The following TMEM116 variants were observed in gnomAD, a reference collection of about 807,000 sequenced individuals.
TMEM116 encodes transmembrane protein 116.
TMEM116 carries 38 observed loss-of-function variants against 44.3 expected under a neutral mutation model. The ratio of observed to expected loss-of-function variants is 0.86; its 90% CI spans 0.66 to 1.12. The LOEUF (loss-of-function observed/expected upper bound fraction) is 1.12, where lower values mean the gene tolerates loss of function less well. Among genes scored for constraint, TMEM116 ranks in the 50% most tolerant of loss-of-function variants. The pLI, the probability that TMEM116 is intolerant of heterozygous loss-of-function variation, is 0.00. For synonymous variants in TMEM116, 132 were observed against 144.8 expected (o/e 0.91, Z 0.64); for missense variants, 354 against 401.7 (o/e 0.88, Z 1.01).
At chr12:111,959,264 G>A (rs921616209) in intron 4 of TMEM116, among the ~76,000 whole-genome samples, 3 of 152,120 alleles carry the variant, frequency 2.0e-5, no homozygotes, top group African/African-American at 4.8e-5. Context: ...CATAAGTGAA[G>A]GATAAATAAA....
chr12:111,992,602 G>C (rs2076678258), intron 3 of TMEM116, among the ~76,000 whole-genome samples: 2 of 152,130 alleles, frequency 1.3e-5, no homozygotes, highest in Non-Finnish European at 2.9e-5. Context: ...TAAGTGTTTA[G>C]GGATGTGGCT....
chr12:112,001,486 T>C, intron 3 of TMEM116, among the ~76,000 whole-genome samples: 1 of 152,170 alleles, frequency 6.6e-6, no homozygotes, highest in Non-Finnish European at 1.5e-5. Context: ...CCATTTGGCA[T>C]TGTTTGAAGA....
intron 4 of TMEM116, among the ~76,000 whole-genome samples, chr12:111,977,979 A>G (rs2075757787): frequency 3.9e-5 from 6 of 152,148 alleles, no homozygotes; most frequent in Middle Eastern, 6.8e-3. Context: ...AAAAAGAAAA[A>G]AAGAGGAAGA....
At position 112,005,254 on chromosome 12, in the gene TMEM116, T is replaced by C. The variant is rs893194681; in HGVS notation, c.14+3A>G. Reference sequence around the variant, plus strand: ...TTAGTTATATGAGATTAAATAAACATACCTCAGAGTAGCCATGACAAATTG... The same window carrying C: ...TTAGTTATATGAGATTAAATAAACACACCTCAGAGTAGCCATGACAAATTG... On this transcript the variant is annotated splice_donor_region_variant and intron_variant, in intron 2 of 10. Coordinates refer to ENST00000552374, the MANE Select transcript of TMEM116 (RefSeq NM_001193531.2). 4 of 1,360,554 alleles carry C rather than the reference T, an allele frequency of 2.9e-6. No homozygotes were observed. Among genetic ancestry groups the C allele is most frequent in the African/African-American group, 3.1e-5 (2 of 65,370 alleles). The allele number at this position is 1,360,554 out of a possible 1,614,324, so 84.3% of individuals were successfully genotyped here. A position where few individuals can be genotyped will look rare whatever the true frequency, so the allele number is the denominator to read the frequency against.
chr12:111,958,961 A>C (rs2074372699), intron 4 of TMEM116, among the ~76,000 whole-genome samples: 1 of 152,232 alleles, frequency 6.6e-6, no homozygotes, highest in Non-Finnish European at 1.5e-5. Flanking sequence ...CAACCTAGCA[A>C]GACAGGCCAA....
chr12:111,983,642 T>C (rs1230442379), intron 4 of TMEM116, among the ~76,000 whole-genome samples: 1 of 151,716 alleles, frequency 6.6e-6, no homozygotes, highest in Non-Finnish European at 1.5e-5. Flanking sequence ...AAATAGAAAA[T>C]TGGAACAGAC....
chr12:111,987,501 T>G, intron 4 of TMEM116, among the ~76,000 whole-genome samples: 1 of 134,816 alleles, frequency 7.4e-6, no homozygotes, highest in African/African-American at 2.8e-5. Flanking sequence ...TGAGACTTTG[T>G]CCCCCCTCAA....
At chr12:112,003,286 G>A (rs546377099) in intron 3 of TMEM116, among the ~76,000 whole-genome samples, 1 of 152,118 alleles carries the variant, frequency 6.6e-6, no homozygotes, top group South Asian at 2.1e-4. Context: ...GTTAATCTCA[G>A]GGCTGGGCGC....
At chr12:111,956,471 T>G (rs971036612) in intron 4 of TMEM116, among the ~76,000 whole-genome samples, 1 of 152,056 alleles carries the variant, frequency 6.6e-6, no homozygotes, top group African/African-American at 2.4e-5. Context: ...AACAGAAGAA[T>G]AGCATCAACA....
At chr12:111,939,236 C>T (rs569037886) in intron 5 of TMEM116, among the ~76,000 whole-genome samples, 4 of 151,948 alleles carry the variant, frequency 2.6e-5, no homozygotes, top group African/African-American at 7.3e-5. Flanking sequence ...AGGTGGATCA[C>T]GAGGTCAAGT....
At chr12:111,980,746 A>C (rs935469123) in intron 4 of TMEM116, among the ~76,000 whole-genome samples, 1 of 152,176 alleles carries the variant, frequency 6.6e-6, no homozygotes, top group Non-Finnish European at 1.5e-5. Context: ...AATAAAGTCT[A>C]TTTTTAAAAC....
At chr12:111,974,706 G>C (rs1290267641) in intron 4 of TMEM116, among the ~76,000 whole-genome samples, 1 of 150,820 alleles carries the variant, frequency 6.6e-6, no homozygotes, top group Non-Finnish European at 1.5e-5. Flanking sequence ...GAACTGGAAA[G>C]GAAAAAGTAA....
At chr12:111,951,667 TGGAGGGTGGAA>T (rs1486827695) in intron 4 of TMEM116, among the ~76,000 whole-genome samples, 1 of 151,910 alleles carries the variant, frequency 6.6e-6, no homozygotes, top group Non-Finnish European at 1.5e-5. Flanking sequence ...TATCAGAGAA[TGGAGGGTGGAA>T]GGAGGGAGAG....
At chr12:112,010,627 C>T (rs2077794287) in intron 1 of TMEM116, 1 of 152,376 alleles carries the variant, frequency 6.6e-6, no homozygotes, top group Non-Finnish European at 1.5e-5. Flanking sequence ...GAGGGTGGCT[C>T]TTCTCTGCCC....
At chr12:111,946,497 C>T (rs1015527211) in intron 4 of TMEM116, among the ~76,000 whole-genome samples, 10 of 152,304 alleles carry the variant, frequency 6.6e-5, no homozygotes, top group South Asian at 2.1e-4. Flanking sequence ...GTCCTTAAGG[C>T]GCAGATCGCT....
chr12:111,962,007 G>C (rs909577562), intron 4 of TMEM116, among the ~76,000 whole-genome samples: 1 of 152,166 alleles, frequency 6.6e-6, no homozygotes, highest in African/African-American at 2.4e-5. Flanking sequence ...AAAATCACAA[G>C]CATTCCTATA....
chr12:112,009,068 A>C (rs1252091595), intron 1 of TMEM116, among the ~76,000 whole-genome samples: 1 of 152,226 alleles, frequency 6.6e-6, no homozygotes, highest in African/African-American at 2.4e-5. Flanking sequence ...CAATAAAATG[A>C]AGTTTGGAAC....
chr12:111,976,075 C>G (rs962734784), intron 4 of TMEM116, among the ~76,000 whole-genome samples: 1 of 151,908 alleles, frequency 6.6e-6, no homozygotes, highest in Admixed American at 6.6e-5. Flanking sequence ...GTGGTGCGAT[C>G]TTGGCTCACT....
At chr12:111,979,874 A>C (rs974410594) in intron 4 of TMEM116, among the ~76,000 whole-genome samples, 2 of 152,244 alleles carry the variant, frequency 1.3e-5, no homozygotes, top group Non-Finnish European at 2.9e-5. Flanking sequence ...TGAAAATTAC[A>C]ACAAGACACC....
Sources: allele counts gnomAD v4.1 joint callset (sites outside exome capture counted in the v4.1 genomes callset), GRCh38; gene constraint gnomAD v4.1.1; transcripts MANE v1.5; gene names NCBI Gene and HGNC (gene_info 2026-07-23, HGNC 2026-07-21).